The following HS2ST1 variants were observed in gnomAD, a reference collection of about 807,000 sequenced individuals.
The protein encoded by HS2ST1 is heparan sulfate 2-O-sulfotransferase 1.
A neutral mutation model predicts 42.9 loss-of-function variants in HS2ST1; 18 were observed. The ratio of observed to expected loss-of-function variants is 0.42; its 90% CI spans 0.29 to 0.62. The LOEUF is 0.62. Ranked by LOEUF, HS2ST1 falls within the 20% of genes least tolerant of loss-of-function variation. The probability of loss-of-function intolerance (pLI) is 0.21; values close to 1 mark genes in which losing one functional copy is unlikely to be tolerated. For missense variants in HS2ST1, 334 were observed against 433.8 expected (o/e 0.77, Z 2.04); for synonymous variants, 146 against 152.9 (o/e 0.95, Z 0.33).
chr1:86,923,806 C>T (rs2102156454), intron 1 of HS2ST1, among the ~76,000 whole-genome samples: 1 of 152,308 alleles, frequency 6.6e-6, no homozygotes, highest in South Asian at 2.1e-4. Flanking sequence ...CAGGTCCCTC[C>T]CACAACACAG....
intron 5 of HS2ST1, among the ~76,000 whole-genome samples, chr1:87,099,248 A>T (rs1399248870): frequency 6.6e-6 from 1 of 152,198 alleles, no homozygotes; most frequent in Non-Finnish European, 1.5e-5. Flanking sequence ...AGACTGGGTA[A>T]TTTATAAAGA....
intron 3 of HS2ST1, among the ~76,000 whole-genome samples, chr1:87,090,370 C>G (rs532992138): frequency 1.1e-4 from 16 of 152,074 alleles, no homozygotes; most frequent in African/African-American, 3.9e-4. Context: ...TACTGTCCTT[C>G]TTTTAAAAAA....
At chr1:87,013,668 G>T (rs1318920320) in intron 1 of HS2ST1, among the ~76,000 whole-genome samples, 1 of 152,160 alleles carries the variant, frequency 6.6e-6, no homozygotes, top group Non-Finnish European at 1.5e-5. Flanking sequence ...CTTTTCTATT[G>T]CATTGTCAGG....
At chr1:86,942,387 C>T (rs1004559035) in intron 1 of HS2ST1, among the ~76,000 whole-genome samples, 1 of 152,066 alleles carries the variant, frequency 6.6e-6, no homozygotes, top group African/African-American at 2.4e-5. Context: ...GTTAACAGTG[C>T]AGTTAAAATA....
At chr1:87,071,683 G>A (rs977198949) in intron 1 of HS2ST1, among the ~76,000 whole-genome samples, 36 of 147,202 alleles carry the variant, frequency 2.4e-4, no homozygotes, top group African/African-American at 3.8e-4. Context: ...AGCCAAGTTC[G>A]AACCACTGTA....
At chr1:87,056,764 C>T (rs1284884361) in intron 1 of HS2ST1, among the ~76,000 whole-genome samples, 9 of 151,956 alleles carry the variant, frequency 5.9e-5, no homozygotes, top group East Asian at 3.9e-4. Flanking sequence ...TGCATAACTC[C>T]GTATACCAAT....
chr1:87,065,882 G>A (rs769539046), intron 1 of HS2ST1, among the ~76,000 whole-genome samples: 21 of 152,006 alleles, frequency 1.4e-4, no homozygotes, highest in Non-Finnish European at 2.9e-4. Context: ...TTATCTAGTT[G>A]TTATCAATGT....
At chr1:87,024,957 TAA>T (rs1236995229) in intron 1 of HS2ST1, among the ~76,000 whole-genome samples, 1 of 152,352 alleles carries the variant, frequency 6.6e-6, no homozygotes, top group Non-Finnish European at 1.5e-5. Context: ...TTTTAATTAT[TAA>T]GAGATGATTT....
At chr1:86,919,993 G>A (rs1176200125) in intron 1 of HS2ST1, among the ~76,000 whole-genome samples, 1 of 152,192 alleles carries the variant, frequency 6.6e-6, no homozygotes, top group African/African-American at 2.4e-5. Flanking sequence ...CTGGTAAAAA[G>A]TAGTTCTTCC....
chr1:87,054,734 G>A (rs564962651), intron 1 of HS2ST1, among the ~76,000 whole-genome samples: 2 of 152,260 alleles, frequency 1.3e-5, no homozygotes, highest in South Asian at 2.1e-4. Context: ...TGTGCTTTCT[G>A]CACTCTATCG....
intron 1 of HS2ST1, among the ~76,000 whole-genome samples, chr1:86,949,316 C>T (rs1647433237): frequency 6.6e-6 from 1 of 152,138 alleles, no homozygotes; most frequent in Non-Finnish European, 1.5e-5. Context: ...GCCATGTTGG[C>T]CAGGCTGGTC....
intron 1 of HS2ST1, among the ~76,000 whole-genome samples, chr1:86,976,704 G>GTATGTGTGTATATATATATA (rs1553134338): frequency 1.3e-5 from 1 of 79,662 alleles, no homozygotes; most frequent in African/African-American, 3.5e-5. Flanking sequence ...TTATAAAATT[G>GTATGTGTGTATATATATATA]TATATATATA....
intron 1 of HS2ST1, among the ~76,000 whole-genome samples, chr1:86,990,180 A>G (rs187544277): frequency 1.3e-5 from 2 of 152,326 alleles, no homozygotes; most frequent in Non-Finnish European, 2.9e-5. Flanking sequence ...TTACACTCCC[A>G]TAAACAGTGT....
intron 1 of HS2ST1, among the ~76,000 whole-genome samples, chr1:87,002,721 A>G (rs1649326700): frequency 6.6e-6 from 1 of 152,100 alleles, no homozygotes; most frequent in Non-Finnish European, 1.5e-5. Context: ...CTTTTGACCA[A>G]AAAGTTAAAA....
At chr1:87,043,154 A>G (rs2100606330) in intron 1 of HS2ST1, among the ~76,000 whole-genome samples, 1 of 152,248 alleles carries the variant, frequency 6.6e-6, no homozygotes, top group Non-Finnish European at 1.5e-5. Context: ...ATATACTACA[A>G]AGTTAAATAA....
chr1:87,092,703 A>G (rs764667720), intron 4 of HS2ST1, 34 bp downstream of exon 4: 15 of 1,418,206 alleles, frequency 1.1e-5, no homozygotes, highest in Non-Finnish European at 9.5e-7. Context: ...TTATAAAGAT[A>G]ATTGTTTATG....
chr1:86,917,164 C>T (rs1660178118), intron 1 of HS2ST1, among the ~76,000 whole-genome samples: 2 of 152,100 alleles, frequency 1.3e-5, no homozygotes, highest in Non-Finnish European at 2.9e-5. Flanking sequence ...TTTTGACAAC[C>T]ATATTCTGTA....
intron 1 of HS2ST1, among the ~76,000 whole-genome samples, chr1:86,955,347 C>T (rs1354199943): frequency 2.0e-5 from 3 of 152,116 alleles, no homozygotes; most frequent in African/African-American, 4.8e-5. Flanking sequence ...ATTAGATTCT[C>T]ATGGGAACGT....
At chr1:86,967,283 A>G (rs1648076432) in intron 1 of HS2ST1, among the ~76,000 whole-genome samples, 1 of 152,146 alleles carries the variant, frequency 6.6e-6, no homozygotes, top group South Asian at 2.1e-4. Flanking sequence ...TTTGTACTAT[A>G]TTTCTTATTT....
Sources: gnomAD v4.1 joint callset for allele counts (sites outside exome capture counted in the v4.1 genomes callset) on GRCh38, gnomAD v4.1.1 for gene constraint, MANE v1.5 for transcripts, NCBI Gene and HGNC (gene_info 2026-07-23, HGNC 2026-07-21) for gene names.